The following NICN1 variants were observed in gnomAD, a reference collection of about 807,000 sequenced individuals.
NICN1 encodes the protein nicolin-1.
In NICN1, 18 loss-of-function variants were observed where a neutral mutation model predicts 26.3. The observed-to-expected ratio is 0.68, with a 90% CI of 0.47 to 1.01. The LOEUF is 1.01. Ranked by LOEUF, NICN1 falls within the 50% of genes least tolerant of loss-of-function variation. NICN1 has a pLI of 0.00. For missense variants in NICN1, 239 were observed against 278.3 expected (o/e 0.86, Z 1.00); for synonymous variants, 109 against 111.0 (o/e 0.98, Z 0.11).
At chr3:49,426,569 C>G (rs2049172103) in intron 1 of NICN1, 141 bp from the exon 2 acceptor site, 3 of 669,762 alleles carry the variant, frequency 4.5e-6, no homozygotes, top group African/African-American at 3.6e-5. Context: ...GCTCTTTTGC[C>G]CAGGCTGGAG....
In NICN1 at chr3:49,424,938, C is replaced by A. The variant is rs749212851; in HGVS notation, c.600+11G>T. On this transcript the variant is annotated intron_variant, in intron 5 of 5. Coordinates refer to ENST00000273598, the MANE Select transcript of NICN1 (RefSeq NM_032316.3). ...GCAAAGCAAGCCAAGCAGAAGGAAGCGATTACTTACATCAAAGCGGCCGAT... is the reference window on the plus strand; with the variant it reads ...GCAAAGCAAGCCAAGCAGAAGGAAGAGATTACTTACATCAAAGCGGCCGAT... The A allele has an allele frequency of 6.2e-7, 1 of 1,613,454 alleles. No individual in the cohort carries two copies. The highest frequency in any genetic ancestry group is 2.2e-5 in the East Asian group (1 of 44,864).
chr3:49,427,916 G>C (rs537393700), intron 1 of NICN1, among the ~76,000 whole-genome samples: 2 of 152,180 alleles, frequency 1.3e-5, no homozygotes, highest in South Asian at 2.1e-4. Flanking sequence ...GAACAGCTTG[G>C]GGGAGAACCA....
chr3:49,428,585 G>A (rs1417840136), intron 1 of NICN1, among the ~76,000 whole-genome samples: 8 of 151,350 alleles, frequency 5.3e-5, no homozygotes, highest in Non-Finnish European at 8.9e-5. Flanking sequence ...GCTGGGCATG[G>A]TGGTGCATGC....
At chr3:49,426,534 T>C (rs1559532610) in intron 1 of NICN1, 106 bp from the exon 2 acceptor site, 15 of 847,728 alleles carry the variant, frequency 1.8e-5, no homozygotes, top group Non-Finnish European at 2.5e-5. Flanking sequence ...CTTTTCTTTT[T>C]TTTTTTTTTT....
intron 4 of NICN1, 92 bp downstream of exon 4, chr3:49,425,275 C>G: frequency 1.7e-6 from 2 of 1,147,840 alleles, no homozygotes; most frequent in South Asian, 2.6e-5. Flanking sequence ...GCCCTGGGCC[C>G]AGCCCCAGAA....
chr3:49,425,586 C>T (rs1559532315), intron 3 of NICN1, 148 bp from the exon 4 acceptor site: 1 of 648,442 alleles, frequency 1.5e-6, no homozygotes. Context: ...CCTAAAGAGG[C>T]AGTCAGACTA....
chr3:49,425,265 G>A (rs2049161440), intron 4 of NICN1, 102 bp downstream of exon 4: 5 of 1,021,902 alleles, frequency 4.9e-6, no homozygotes, highest in South Asian at 2.7e-5. Flanking sequence ...ACACCCAAGG[G>A]CCCTGGGCCC....
chr3:49,428,910 G>A (rs961090645), intron 1 of NICN1, among the ~76,000 whole-genome samples, 198 bp downstream of exon 1: 2 of 152,146 alleles, frequency 1.3e-5, no homozygotes, highest in Admixed American at 1.3e-4. Flanking sequence ...AAGAGACATA[G>A]CAGAGAACAA....
At position 49,422,587 on chromosome 3, in the gene NICN1, G is replaced by A. The variant is rs768697561; in HGVS notation, c.*2246C>T. The A allele has an allele frequency of 2.2e-6, 2 of 923,718 alleles. No homozygotes were observed. The highest frequency in any genetic ancestry group is 5.2e-5 in the East Asian group (2 of 38,130). The allele number at this position is 923,718 out of a possible 1,614,324, so 57.2% of individuals were successfully genotyped here. A position where few individuals can be genotyped will look rare whatever the true frequency, so the allele number is the denominator to read the frequency against. On this transcript the variant is annotated 3_prime_UTR_variant, in exon 6 of 6. Coordinates refer to ENST00000273598, the MANE Select transcript of NICN1 (RefSeq NM_032316.3). ...CTGAAGGGGGCGTGGGCAGCCCCAA[G>A]GGCAGGCTGGGATTTAGAGCAGAGA...
At position 49,423,369 on chromosome 3, in the gene NICN1, C is replaced by G. The variant is rs1489778356; in HGVS notation, c.*1464G>C. 6.6e-6 allele frequency: 1 copy of G among 152,310 alleles called. No homozygotes were observed. The highest frequency in any genetic ancestry group is 2.4e-5 in the African/African-American group (1 of 41,464). The allele number at this position is 152,310 out of a possible 1,614,324, so 9.4% of individuals were successfully genotyped here. ...ACTTAATGGTTGGACTGAGTTAATG[C>G]AGGACTTAGGCCTCTTAAAAGGCAA... is the stretch of plus-strand genomic sequence containing the variant. On this transcript the variant is annotated 3_prime_UTR_variant, in exon 6 of 6. Transcript: ENST00000273598.
At chr3:49,425,620 C>T (rs564927740) in intron 3 of NICN1, among the ~76,000 whole-genome samples, 182 bp from the exon 4 acceptor site, 3 of 152,194 alleles carry the variant, frequency 2.0e-5, no homozygotes, top group South Asian at 2.1e-4. Flanking sequence ...GCTGTGCAGA[C>T]GGAGTCCTCA....
chr3:49,425,829 G>A (rs2049165005), intron 3 of NICN1, 54 bp downstream of exon 3: 1 of 968,190 alleles, frequency 1.0e-6, no homozygotes, highest in Middle Eastern at 2.2e-4. Context: ...AGCTTTCCCA[G>A]TCATAGAAGC....
intron 3 of NICN1, 29 bp from the exon 4 acceptor site, chr3:49,425,467 T>C: frequency 6.4e-7 from 1 of 1,570,392 alleles, no homozygotes; most frequent in Non-Finnish European, 8.7e-7. Context: ...CTGCCCTGAG[T>C]GAGACAAAGT....
At chr3:49,426,449 T>G (rs1407547598) in intron 1 of NICN1, 21 bp from the exon 2 acceptor site, 2 of 1,610,192 alleles carry the variant, frequency 1.2e-6, no homozygotes, top group Middle Eastern at 1.6e-4. Context: ...TACAACCCAT[T>G]ACAACAAGTC....
chr3:49,426,110 G>A lies in NICN1; in HGVS notation c.310-114C>T, dbSNP rs2049167366. ...CACAGGCCTTGGGAAGGAAGGAACAGTAGTCCCTCCAAGGCACTTCCCTGG... is the reference window on the plus strand; with the variant it reads ...CACAGGCCTTGGGAAGGAAGGAACAATAGTCCCTCCAAGGCACTTCCCTGG... On this transcript the variant is annotated intron_variant, in intron 2 of 5. Transcript: ENST00000273598. 14 of 1,102,340 alleles carry A rather than the reference G, an allele frequency of 1.3e-5. No individual in the cohort carries two copies. In the Middle Eastern group the frequency reaches 1.0e-3, roughly 80 times the overall value. 68.3% of individuals were successfully genotyped at this position (1,102,340 alleles called of 1,614,324 possible).
intron 4 of NICN1, 101 bp from the exon 5 acceptor site, chr3:49,425,154 C>A: frequency 1.0e-6 from 1 of 955,146 alleles, no homozygotes; most frequent in Non-Finnish European, 1.7e-6. Context: ...CAGCTGAGAC[C>A]AACAACATTC....
intron 1 of NICN1, 55 bp from the exon 2 acceptor site, chr3:49,426,483 A>G: frequency 7.4e-7 from 1 of 1,360,034 alleles, no homozygotes. Flanking sequence ...GGGGCCTGAA[A>G]AGCTCAAAGA....
Position 49,422,534 on chromosome 3 carries a change from G to C in NICN1, c.*2299C>G. 7.1e-7 allele frequency: 1 copy of C among 1,409,318 alleles called. No homozygotes were observed. Among genetic ancestry groups the C allele is most frequent in the Non-Finnish European group, 9.9e-7 (1 of 1,012,416 alleles). The allele number at this position is 1,409,318 out of a possible 1,614,324, so 87.3% of individuals were successfully genotyped here. A position where few individuals can be genotyped will look rare whatever the true frequency, so the allele number is the denominator to read the frequency against. ...GGAGATGTAGTCCAGGCCTCTGCTC[G>C]GACAGGTCTCTCTCCGGAGCAAAGG... On this transcript the variant is annotated 3_prime_UTR_variant, in exon 6 of 6. Coordinates refer to ENST00000273598, the MANE Select transcript of NICN1 (RefSeq NM_032316.3).
chr3:49,422,422 C>T lies in NICN1; in HGVS notation c.*2411G>A, dbSNP rs150649086. Reference sequence around the variant, plus strand: ...GAATGCCTGCAGGCGAAAGCCCAGACGGGCCACCACACTTACAGCCCTCTG... The same window carrying T: ...GAATGCCTGCAGGCGAAAGCCCAGATGGGCCACCACACTTACAGCCCTCTG... On this transcript the variant is annotated 3_prime_UTR_variant, in exon 6 of 6. Transcript: ENST00000273598. The T allele has an allele frequency of 1.1e-5, 18 of 1,613,432 alleles. No homozygotes were observed. Among genetic ancestry groups the T allele is most frequent in the East Asian group, 4.5e-5 (2 of 44,878 alleles).
Sources: allele counts gnomAD v4.1 joint callset (sites outside exome capture counted in the v4.1 genomes callset), GRCh38; gene constraint gnomAD v4.1.1; transcripts MANE v1.5; gene names NCBI Gene and HGNC (gene_info 2026-07-23, HGNC 2026-07-21).